Variants in C10orf143 observed in about 807,000 individuals in gnomAD.
C10orf143 encodes the protein uncharacterized protein C10orf143.
intron 1 of C10orf143, among the ~76,000 whole-genome samples, chr10:130,092,743 GC>G (rs1350892603): frequency 1.3e-5 from 2 of 151,654 alleles, no homozygotes; most frequent in Non-Finnish European, 2.9e-5. Flanking sequence ...CAAACGGAAA[GC>G]AAAAAAAGCA....
intron 1 of C10orf143, among the ~76,000 whole-genome samples, chr10:130,095,337 T>C (rs1861445447): frequency 1.3e-5 from 2 of 152,270 alleles, no homozygotes; most frequent in Middle Eastern, 3.4e-3. Flanking sequence ...TGGAAAGGAA[T>C]AATCAATATC....
intron 1 of C10orf143, among the ~76,000 whole-genome samples, chr10:130,099,771 G>A (rs564296056): frequency 7.8e-4 from 118 of 150,918 alleles, no homozygotes; most frequent in Middle Eastern, 3.5e-3. Flanking sequence ...CAAGTGATCC[G>A]TCCGCCTCAG....
chr10:130,076,888 T>G (rs555060729), intron 3 of C10orf143, among the ~76,000 whole-genome samples: 1 of 152,192 alleles, frequency 6.6e-6, no homozygotes, highest in African/African-American at 2.4e-5. Context: ...GATCATCCTC[T>G]ACGAGACTTG....
Position 130,079,897 on chromosome 10 carries a change from C to A in C10orf143, c.74G>T (p.Arg25Leu), listed in dbSNP as rs1487135553. Residue 25 changes from arginine (R) to leucine (L), a missense_variant, in exon 2 of 4, where the codon CGG becomes CTG. By Grantham distance (102) the Arg-to-Leu change is moderately radical. Coordinates refer to ENST00000637128, the MANE Select transcript of C10orf143 (RefSeq NM_001355042.2). The part of the protein sequence containing the change: ...EDLQVPGDVK[R>L]VCRRLEASGH... ...ACTGGCTTCTAATCTCCTGCATACC[C>A]GTTTCTGAAACAAACAAAATTTTAC... 1.3e-5 allele frequency: 5 copies of A among 398,466 alleles called. No individual in the cohort carries two copies. 24.7% of individuals were successfully genotyped at this position (398,466 alleles called of 1,614,324 possible).
chr10:130,042,920 C>G (rs1244463427), intron 3 of C10orf143, among the ~76,000 whole-genome samples: 1 of 152,190 alleles, frequency 6.6e-6, no homozygotes, highest in Non-Finnish European at 1.5e-5. Flanking sequence ...GCAAAATACC[C>G]TTATCTGTTA....
At chr10:130,100,269 C>T (rs1202522120) in intron 1 of C10orf143, among the ~76,000 whole-genome samples, 2 of 151,998 alleles carry the variant, frequency 1.3e-5, no homozygotes, top group African/African-American at 2.4e-5. Context: ...CAGTGGCTCA[C>T]GCATGTAATT....
chr10:130,055,554 C>T (rs1162986209), intron 3 of C10orf143, among the ~76,000 whole-genome samples: 1 of 152,202 alleles, frequency 6.6e-6, no homozygotes, highest in Non-Finnish European at 1.5e-5. Context: ...ATTTCTTCCA[C>T]TGATTTAAAC....
At chr10:130,093,759 T>G (rs1458896169) in intron 1 of C10orf143, among the ~76,000 whole-genome samples, 1 of 152,014 alleles carries the variant, frequency 6.6e-6, no homozygotes, top group Admixed American at 6.6e-5. Context: ...ACACCTGTAA[T>G]CCCAGCACTT....
chr10:130,110,428 G>A (rs1383209096), intron 1 of C10orf143, among the ~76,000 whole-genome samples: 2 of 152,232 alleles, frequency 1.3e-5, no homozygotes, highest in Non-Finnish European at 2.9e-5. Flanking sequence ...AGGGAGCCTG[G>A]GTCTGGAGCC....
chr10:130,110,739 G>A lies in C10orf143; in HGVS notation c.34C>T (p.Arg12Trp). ...DSLALGRWRQ[R>W]RAEDLQVPGD... ...GGAACCTGCAGATCCTCCGCCCTCCGCTGTCGCCAGCGGCCGAGCGCTAAG... is the reference window on the plus strand; with the variant it reads ...GGAACCTGCAGATCCTCCGCCCTCCACTGTCGCCAGCGGCCGAGCGCTAAG... The change falls in exon 1 of 4, where the codon CGG becomes TGG. Residue 12 changes from arginine to tryptophan, a missense_variant. By Grantham distance (101) the Arg-to-Trp change is moderately radical. Transcript: ENST00000637128. 1 of 398,970 alleles carries A rather than the reference G, an allele frequency of 2.5e-6. No homozygotes were observed. Among genetic ancestry groups the A allele is most frequent in the East Asian group, 3.6e-5 (1 of 28,060 alleles). 24.7% of individuals were successfully genotyped at this position (398,970 alleles called of 1,614,324 possible).
At chr10:130,109,428 AG>A (rs1861721359) in intron 1 of C10orf143, among the ~76,000 whole-genome samples, 1 of 152,030 alleles carries the variant, frequency 6.6e-6, no homozygotes, top group Non-Finnish European at 1.5e-5. Context: ...GCCTATATTT[AG>A]TGACCCTGGG....
chr10:130,086,609 T>C (rs183605619), intron 1 of C10orf143, among the ~76,000 whole-genome samples: 2 of 152,336 alleles, frequency 1.3e-5, no homozygotes, highest in African/African-American at 4.8e-5. Context: ...AAAACTGGTT[T>C]GCTGTCAACT....
chr10:130,110,713 C>T lies in C10orf143; in HGVS notation c.60G>A (p.Pro20=), dbSNP rs1861753773. 2 of 398,750 alleles carry T rather than the reference C, an allele frequency of 5.0e-6. No homozygotes were observed. Among genetic ancestry groups the T allele is most frequent in the African/African-American group, 2.1e-5 (1 of 48,642 alleles). 24.7% of individuals were successfully genotyped at this position (398,750 alleles called of 1,614,324 possible). The change falls in exon 1 of 4, where the codon CCG becomes CCA. Residue 20 remains proline, a synonymous_variant. Transcript: ENST00000637128. ...RQRRAEDLQV[P]GDVKRVCRRL... Reference sequence around the variant, plus strand: ...GGCCCCGGGGGCTCACCACGTCCCCCGGAACCTGCAGATCCTCCGCCCTCC... The same window carrying T: ...GGCCCCGGGGGCTCACCACGTCCCCTGGAACCTGCAGATCCTCCGCCCTCC...
intron 3 of C10orf143, among the ~76,000 whole-genome samples, chr10:130,047,644 G>T (rs988910070): frequency 2.6e-5 from 4 of 152,156 alleles, no homozygotes; most frequent in Non-Finnish European, 5.9e-5. Flanking sequence ...AATGATGAGG[G>T]GTCCACCTTC....
rs1238362086 is a variant in C10orf143, at chr10:130,046,354, C to T, written c.298-10384G>A. ...GTGCACGCCGCTCCCCCGCCCAGCG[C>T]CTCCCCCGGGACCTGCTCCAGAAGC... On this transcript the variant is annotated intron_variant and NMD_transcript_variant, in intron 3 of 5. Coordinates refer to the C10orf143 transcript ENST00000643056. Among the ~76,000 whole-genome samples the T allele has an allele frequency of 2.0e-5, 3 of 152,186 alleles. No individual in the cohort carries two copies. The South Asian group carries it at 6.2e-4, about 32-fold the overall frequency.
At chr10:130,058,961 T>C (rs1367430116), downstream of C10orf143, among the ~76,000 whole-genome samples, 2 of 152,104 alleles carry the variant, frequency 1.3e-5, no homozygotes, top group East Asian at 3.9e-4. Flanking sequence ...CACAATGTTA[T>C]GGCCAATGCA....
chr10:130,090,297 G>A (rs1304044602), intron 1 of C10orf143, among the ~76,000 whole-genome samples: 3 of 152,042 alleles, frequency 2.0e-5, no homozygotes, highest in Admixed American at 1.3e-4. Context: ...CGCCTAACCC[G>A]GGAAGCACAA....
chr10:130,107,314 T>C (rs1230658669), intron 1 of C10orf143: 3 of 1,082,354 alleles, frequency 2.8e-6, no homozygotes, highest in Non-Finnish European at 4.3e-6. Context: ...GCCATGCCAC[T>C]AAAGAGCTGG....
chr10:130,110,436 G>A (rs1395361124), intron 1 of C10orf143, among the ~76,000 whole-genome samples: 1 of 152,240 alleles, frequency 6.6e-6, no homozygotes, highest in Non-Finnish European at 1.5e-5. Context: ...TGGGTCTGGA[G>A]CCCCAGTGAG....
Sources: allele counts gnomAD v4.1 joint callset (sites outside exome capture counted in the v4.1 genomes callset), GRCh38; gene constraint gnomAD v4.1.1; transcripts MANE v1.5; gene names NCBI Gene and HGNC (gene_info 2026-07-23, HGNC 2026-07-21).